The following PHACTR2 variants were observed in gnomAD, a reference collection of about 807,000 sequenced individuals.
The protein encoded by PHACTR2 is phosphatase and actin regulator 2.
A neutral mutation model predicts 76.0 loss-of-function variants in PHACTR2; 30 were observed. The observed-to-expected ratio is 0.39, with a 90% confidence interval of 0.30 to 0.54. The LOEUF (loss-of-function observed/expected upper bound fraction) is 0.54, where lower values mean the gene tolerates loss of function less well. PHACTR2 is among the 20% of genes least tolerant of loss of function. The pLI is 0.61. For synonymous variants in PHACTR2, 292 were observed against 292.5 expected, an observed-to-expected ratio of 1.00 and a Z score of 0.02; for missense variants, 696 against 781.1, an observed-to-expected ratio of 0.89 and a Z score of 1.30.
In PHACTR2 at chr6:143,695,072, A is replaced by C. The variant is rs1264655641; in HGVS notation, c.46+16863A>C. On this transcript the variant is annotated intron_variant, in intron 1 of 12. Transcript: ENST00000440869. The surrounding 1 kb of genome is among the most constrained non-coding windows in gnomAD (Gnocchi z 4.4). ...TCTAGTGACCCTAGGTCCTTTTGTA[A>C]AATGATTAAAACTCTCCTTAAACCT... Among the ~76,000 whole-genome samples, 1 of 152,222 alleles carries C rather than the reference A, an allele frequency of 6.6e-6. No individual in the cohort carries two copies. Among genetic ancestry groups the C allele is most frequent in the Non-Finnish European group, 1.5e-5 (1 of 68,040 alleles).
chr6:143,655,917 A>G (rs1776841605), intron 1 of PHACTR2, among the ~76,000 whole-genome samples: 1 of 152,226 alleles, frequency 6.6e-6, no homozygotes, highest in Non-Finnish European at 1.5e-5. Context: ...TGTGAGAAAA[A>G]GAAGAAAACA....
In PHACTR2 at chr6:143,557,165, C is replaced by A. The variant is rs1775190752; in HGVS notation, c.217+19958C>A. Among the ~76,000 whole-genome samples the A allele has an allele frequency of 6.6e-6, 1 of 152,214 alleles. No homozygotes were observed. The highest frequency in any genetic ancestry group is 1.5e-5 in the Non-Finnish European group (1 of 68,034). Reference sequence around the variant, plus strand: ...GGTTAAAGGCCAGGTAATGGCCATTCACATTATTTTGCAAGTAAGTTACTT... The same window carrying A: ...GGTTAAAGGCCAGGTAATGGCCATTAACATTATTTTGCAAGTAAGTTACTT... On this transcript the variant is annotated intron_variant, in intron 1 of 11. Coordinates refer to the PHACTR2 transcript ENST00000367584. This position sits in a 1 kb window ranked among gnomAD's most constrained non-coding sequence, Gnocchi z 5.5.
intron 12 of PHACTR2, among the ~76,000 whole-genome samples, chr6:143,817,464 T>G (rs1295691324): frequency 6.6e-6 from 1 of 152,182 alleles, no homozygotes; most frequent in Non-Finnish European, 1.5e-5. Context: ...AATGCTGGTG[T>G]GCCCTGCTCA....
At chr6:143,564,233 A>ATG (rs1317455329) in intron 1 of PHACTR2, among the ~76,000 whole-genome samples, 5 of 97,034 alleles carry the variant, frequency 5.2e-5, no homozygotes, top group Non-Finnish European at 8.7e-5. Flanking sequence ...ATATATATAT[A>ATG]TATGTATGCC....
intron 1 of PHACTR2, among the ~76,000 whole-genome samples, chr6:143,643,029 G>A (rs568159265): frequency 6.6e-6 from 1 of 152,090 alleles, no homozygotes; most frequent in African/African-American, 2.4e-5. Context: ...GCAAAAGACT[G>A]TATTTAAATT....
At chr6:143,786,825 C>T (rs1775566579) in intron 10 of PHACTR2, among the ~76,000 whole-genome samples, 1 of 152,190 alleles carries the variant, frequency 6.6e-6, no homozygotes, top group South Asian at 2.1e-4. Flanking sequence ...TCAATTACCT[C>T]CCCCTGGGTC....
intron 1 of PHACTR2, among the ~76,000 whole-genome samples, chr6:143,681,328 A>C (rs2128453124): frequency 6.6e-6 from 1 of 152,058 alleles, no homozygotes; most frequent in South Asian, 2.1e-4. Context: ...CATGGTTTTG[A>C]TTTCCTTTTC....
chr6:143,660,244 CAA>C (rs11330374), intron 1 of PHACTR2, among the ~76,000 whole-genome samples: 2,494 of 115,848 alleles, frequency 0.022, 32 homozygotes, highest in Non-Finnish European at 0.031. Context: ...GAGCAATTTA[CAA>C]AAAAAAAAAA....
In PHACTR2 at chr6:143,768,084, C is replaced by A. The variant is rs372743422; in HGVS notation, c.1232+2286C>A. On this transcript the variant is annotated intron_variant, in intron 6 of 12. Coordinates refer to ENST00000440869, the MANE Select transcript of PHACTR2 (RefSeq NM_001100164.2). ...AACTCTTGACCTTGTGATCCGCCTG[C>A]CTCAGCCTTCCAAAGTGCTGGGACT... Among the ~76,000 whole-genome samples the A allele has an allele frequency of 3.9e-5, 6 of 152,302 alleles. No individual in the cohort carries two copies. In the East Asian group the frequency reaches 9.7e-4, roughly 25 times the overall value.
intron 2 of PHACTR2, among the ~76,000 whole-genome samples, chr6:143,728,043 C>CTT (rs144157189): frequency 0.68 from 103,903 of 151,696 alleles, 35,941 homozygotes; most frequent in African/African-American, 0.79. Flanking sequence ...GAAAGACAAA[C>CTT]TGCAGATGAC....
intron 1 of PHACTR2, 190 bp from the exon 2 acceptor site, chr6:143,711,826 C>G (rs1778181483): frequency 1.3e-6 from 1 of 747,660 alleles, no homozygotes; most frequent in South Asian, 1.4e-5. Flanking sequence ...TCTAAGTGGG[C>G]TGTAATTTCT....
chr6:143,731,435 G>A lies in PHACTR2; in HGVS notation c.215-17550G>A, dbSNP rs1582820262. On this transcript the variant is annotated intron_variant, in intron 2 of 12. Transcript: ENST00000440869. The surrounding 1 kb of genome is among the most constrained non-coding windows in gnomAD (Gnocchi z 4.9). ...CCGGAGTAGCTGGGATTATAGGCATGAGCCACCACGCCCGGCTAATTCTGT... is the reference window on the plus strand; with the variant it reads ...CCGGAGTAGCTGGGATTATAGGCATAAGCCACCACGCCCGGCTAATTCTGT... 6.6e-6 allele frequency among the ~76,000 whole-genome samples: 1 copy of A among 152,086 alleles called. No individual in the cohort carries two copies. The highest frequency in any genetic ancestry group is 2.4e-5 in the African/African-American group (1 of 41,438).
chr6:143,719,344 C>T (rs1213384461), intron 2 of PHACTR2, among the ~76,000 whole-genome samples: 4 of 137,178 alleles, frequency 2.9e-5, no homozygotes, highest in African/African-American at 1.1e-4. Flanking sequence ...TTGTGTTCGA[C>T]ACTTCTTTTT....
intron 1 of PHACTR2, among the ~76,000 whole-genome samples, chr6:143,575,053 A>G (rs1775489476): frequency 6.6e-6 from 1 of 152,272 alleles, no homozygotes; most frequent in African/African-American, 2.4e-5. Flanking sequence ...TCCATTTGGA[A>G]CATAATTAAG....
At position 143,764,211 on chromosome 6, in the gene PHACTR2, A is replaced by G. The variant is rs920429602; in HGVS notation, c.695-1050A>G. Among the ~76,000 whole-genome samples, 21 of 152,234 alleles carry G rather than the reference A, an allele frequency of 1.4e-4. No individual in the cohort carries two copies. Among genetic ancestry groups the G allele is most frequent in the African/African-American group, 4.6e-4 (19 of 41,528 alleles). ...TGAGAATGATATCCTTTCCATTCAC[A>G]TTATTTAGAACCAGACACGGTGGCT... On this transcript the variant is annotated intron_variant, in intron 5 of 12. Coordinates refer to ENST00000440869, the MANE Select transcript of PHACTR2 (RefSeq NM_001100164.2). The surrounding 1 kb of genome is among the most constrained non-coding windows in gnomAD (Gnocchi z 4.7).
chr6:143,781,006 T>C (rs1056372153), intron 9 of PHACTR2, among the ~76,000 whole-genome samples: 4 of 152,200 alleles, frequency 2.6e-5, no homozygotes, highest in Admixed American at 2.0e-4. Context: ...GAAGCTGTCA[T>C]GGTAGCTCAT....
At chr6:143,559,339 G>T (rs1775227614) in intron 1 of PHACTR2, among the ~76,000 whole-genome samples, 1 of 152,192 alleles carries the variant, frequency 6.6e-6, no homozygotes, top group African/African-American at 2.4e-5. Context: ...TGTGATGTGA[G>T]ACCAGGCTGT....
At position 143,662,359 on chromosome 6, in the gene PHACTR2, GA is replaced by G. The variant is rs1562262588; in HGVS notation, c.14-49656del. 6.6e-6 allele frequency among the ~76,000 whole-genome samples: 1 copy of G among 152,098 alleles called. No individual in the cohort carries two copies. Reference sequence around the variant, plus strand: ...ACAAGGAACATAAAAGTAAAGAAGAGATGAAGTTAAGCCTGTTAAATATAAG... The same window carrying G: ...ACAAGGAACATAAAAGTAAAGAAGAGTGAAGTTAAGCCTGTTAAATATAAG... On this transcript the variant is annotated intron_variant, in intron 1 of 11. Coordinates refer to the PHACTR2 transcript ENST00000305766. This position sits in a 1 kb window ranked among gnomAD's most constrained non-coding sequence, Gnocchi z 4.7.
In PHACTR2 at chr6:143,623,506, A is replaced by G. The variant is rs1776197873; in HGVS notation, c.13+15184A>G. On this transcript the variant is annotated intron_variant, in intron 1 of 11. Transcript: ENST00000305766. The surrounding 1 kb of genome is among the most constrained non-coding windows in gnomAD (Gnocchi z 5.9). ...AGGAGAATCACTTGAGCTCGGAAGG[A>G]GAAGGTTGCAGTGAGCCAAGATCAT... Among the ~76,000 whole-genome samples the G allele has an allele frequency of 6.6e-6, 1 of 152,060 alleles. No homozygotes were observed. Among genetic ancestry groups the G allele is most frequent in the Non-Finnish European group, 1.5e-5 (1 of 68,016 alleles).
Sources: allele counts gnomAD v4.1 joint callset (sites outside exome capture counted in the v4.1 genomes callset), GRCh38; gene constraint gnomAD v4.1.1; non-coding constraint Gnocchi (gnomAD v3.1); transcripts MANE v1.5; gene names NCBI Gene and HGNC (gene_info 2026-07-23, HGNC 2026-07-21).